DMGDH: variants seen among roughly 807,000 people sequenced by gnomAD.
DMGDH encodes dimethylglycine dehydrogenase, mitochondrial.
DMGDH carries 76 observed loss-of-function variants against 95.2 expected under a neutral mutation model. The observed-to-expected ratio is 0.80, with a 90% CI of 0.66 to 0.97. The LOEUF is 0.97. Ranked by LOEUF, DMGDH falls within the 50% of genes least tolerant of loss-of-function variation. DMGDH has a pLI of 0.00. For synonymous variants in DMGDH, 345 were observed against 377.6 expected, an observed-to-expected ratio of 0.91 and a Z score of 1.00; for missense variants, 987 against 1,055.0, an observed-to-expected ratio of 0.94 and a Z score of 0.89.
chr5:79,005,203 A>G, intron 15 of DMGDH, 70 bp downstream of exon 15: 3 of 1,602,944 alleles, frequency 1.9e-6, no homozygotes, highest in Non-Finnish European at 2.6e-6. Context: ...TTTAAGAGGA[A>G]ATAGGAACAA....
intron 12 of DMGDH, 144 bp downstream of exon 12, chr5:79,028,289 C>A: frequency 1.4e-6 from 1 of 701,768 alleles, no homozygotes; most frequent in Non-Finnish European, 2.4e-6. Context: ...CCTCCAAAGT[C>A]GCATGGACAA....
intron 14 of DMGDH, chr5:79,021,472 G>A (rs1753864805): frequency 1.6e-6 from 2 of 1,233,670 alleles, no homozygotes; most frequent in African/African-American, 1.6e-5. Flanking sequence ...AGCAGGGGAA[G>A]GAGGCTGGAA....
At position 79,026,550 on chromosome 5, in the gene DMGDH, T is replaced by C. The variant is rs758432039; in HGVS notation, c.2064A>G (p.Arg688=). ...GELGWELYHR[R]EDSVALYDAI... is the part of the protein sequence containing the mutation. ...CGTCATACAGCGCCACAGAATCTTC[T>C]CTTCTGTGATACAGCTCCCAACCCA... The change falls in exon 13 of 16, where the codon AGA becomes AGG. Residue 688 remains arginine (R), a synonymous_variant. Transcript: ENST00000255189. 9 of 1,614,032 alleles carry C rather than the reference T, an allele frequency of 5.6e-6. No homozygotes were observed. The African/African-American group carries it at 9.3e-5, about 17-fold the overall frequency.
chr5:79,056,023 A>T, intron 2 of DMGDH, 115 bp from the exon 3 acceptor site: 1 of 734,476 alleles, frequency 1.4e-6, no homozygotes, highest in Non-Finnish European at 2.4e-6. Context: ...AGCACCAGCC[A>T]GTCCTTTGGG....
At chr5:79,027,848 T>TA (rs1754044376) in intron 12 of DMGDH, among the ~76,000 whole-genome samples, 1 of 151,438 alleles carries the variant, frequency 6.6e-6, no homozygotes, top group Non-Finnish European at 1.5e-5. Context: ...TTCTTTTTTT[T>TA]TTTTTTTTTT....
intron 14 of DMGDH, among the ~76,000 whole-genome samples, chr5:79,005,752 A>T (rs1422871781): frequency 6.6e-6 from 1 of 152,192 alleles, no homozygotes; most frequent in Non-Finnish European, 1.5e-5. Context: ...GGCTGTCGGT[A>T]AGCAATGTGC....
At chr5:79,050,262 A>T (rs1436240210) in intron 5 of DMGDH, among the ~76,000 whole-genome samples, 1 of 65,216 alleles carries the variant, frequency 1.5e-5, no homozygotes. Context: ...AAAAAAAAAA[A>T]AAAAAAAAAA....
Position 79,063,645 on chromosome 5 carries a change from A to T in DMGDH, c.244T>A (p.Ser82Thr). 6.2e-7 allele frequency: 1 copy of T among 1,614,106 alleles called. No homozygotes were observed. Among genetic ancestry groups the T allele is most frequent in the Non-Finnish European group, 8.5e-7 (1 of 1,180,034 alleles). Residue 82 changes from serine (S) to threonine (T), a missense_variant, in exon 2 of 16, where the codon TCA becomes ACA. Physicochemically the swap from Ser to Thr is moderately conservative, Grantham distance 58. Transcript: ENST00000255189. ...CAGGTAGATCCAGCCGTGAGCTCTG[A>T]TTTCTCCAGCAGGACCACATCTTTC... ...GMKDVVLLEK[S>T]ELTAGSTWHA...
At position 79,030,846 on chromosome 5, in the gene DMGDH, T is replaced by G; in HGVS notation, c.1670A>C (p.Asn557Thr). Residue 557 changes from asparagine (N) to threonine (T), a missense_variant, in exon 10 of 16, where the codon AAT becomes ACT. Physicochemically the swap from Asn to Thr is moderately conservative, Grantham distance 65. Coordinates refer to ENST00000255189, the MANE Select transcript of DMGDH (RefSeq NM_013391.3). ...SIRLLDHLFA[N>T]VIPKVGFTNI... is the part of the protein sequence containing the mutation. ...AAGGCTATTTACCTTTGGAATGACATTTGCAAAGAGATGGTCCAGTAGTCT... is the reference window on the plus strand; with the variant it reads ...AAGGCTATTTACCTTTGGAATGACAGTTGCAAAGAGATGGTCCAGTAGTCT... 6.2e-7 allele frequency: 1 copy of G among 1,614,036 alleles called. No homozygotes were observed.
At chr5:79,023,539 T>C (rs1053005420) in intron 14 of DMGDH, among the ~76,000 whole-genome samples, 1 of 152,182 alleles carries the variant, frequency 6.6e-6, no homozygotes, top group Non-Finnish European at 1.5e-5. Context: ...TAAAACAGAT[T>C]TGTTGGCCTG....
At chr5:79,057,928 C>T (rs1173222465) in intron 2 of DMGDH, among the ~76,000 whole-genome samples, 1 of 152,214 alleles carries the variant, frequency 6.6e-6, no homozygotes, top group Non-Finnish European at 1.5e-5. Context: ...AATTATCTAT[C>T]TACACTACGC....
Position 79,033,345 on chromosome 5 carries a change from T to C in DMGDH, c.1257A>G (p.Glu419=). 1 of 1,613,960 alleles carries C rather than the reference T, an allele frequency of 6.2e-7. No individual in the cohort carries two copies. The highest frequency in any genetic ancestry group is 8.5e-7 in the Non-Finnish European group (1 of 1,179,970). Residue 419 remains glutamate (E), a synonymous_variant, in exon 8 of 16, where the codon GAA becomes GAG. Transcript: ENST00000255189. The part of the protein sequence containing the change: ...KYLSDWILHG[E]PPFDLIELDP... Reference sequence around the variant, plus strand: ...CCAATTCTATCAGATCAAAAGGAGGTTCTCCATGCAGGATCCAGTCACTGA... The same window carrying C: ...CCAATTCTATCAGATCAAAAGGAGGCTCTCCATGCAGGATCCAGTCACTGA...
chr5:79,034,167 C>A (rs1356569293), intron 7 of DMGDH, among the ~76,000 whole-genome samples: 3 of 152,106 alleles, frequency 2.0e-5, no homozygotes, highest in Admixed American at 6.5e-5. Flanking sequence ...GGTGTCCCAT[C>A]CATCTCTTCT....
intron 15 of DMGDH, 60 bp from the exon 16 acceptor site, chr5:78,998,357 C>A: frequency 6.6e-7 from 1 of 1,523,266 alleles, no homozygotes; most frequent in Non-Finnish European, 9.0e-7. Flanking sequence ...CTCCTCATCT[C>A]TGGGTGAAAA....
At chr5:79,024,172 AT>A (rs1161021233) in intron 14 of DMGDH, 98 bp downstream of exon 14, 20 of 1,053,650 alleles carry the variant, frequency 1.9e-5, no homozygotes, top group Non-Finnish European at 1.5e-5. Flanking sequence ...TGTTTCTCCT[AT>A]AATCCATACT....
At chr5:79,042,217 A>T (rs1754528994) in intron 7 of DMGDH, 66 bp downstream of exon 7, 1 of 1,446,880 alleles carries the variant, frequency 6.9e-7, no homozygotes, top group Non-Finnish European at 9.7e-7. Context: ...TCCTGAGAAT[A>T]TGGAACTAGA....
intron 6 of DMGDH, 117 bp from the exon 7 acceptor site, chr5:79,042,598 C>T (rs562141046): frequency 3.5e-4 from 334 of 944,076 alleles, no homozygotes; most frequent in Non-Finnish European, 4.8e-4. Flanking sequence ...AAAGTACTGC[C>T]ATTTTTTGTT....
At chr5:79,063,238 A>G (rs569734210) in intron 2 of DMGDH, among the ~76,000 whole-genome samples, 13 of 152,332 alleles carry the variant, frequency 8.5e-5, no homozygotes, top group African/African-American at 3.1e-4. Context: ...GCTGACATTT[A>G]TTATCCAATA....
Position 79,042,358 on chromosome 5 carries a change from G to A in DMGDH, c.1118C>T (p.Thr373Met), listed in dbSNP as rs543745251. 39 of 1,614,208 alleles carry A rather than the reference G, an allele frequency of 2.4e-5. No homozygotes were observed. In the East Asian group the frequency reaches 5.8e-4, roughly 24 times the overall value. The change falls in exon 7 of 16, where the codon ACG (threonine) becomes ATG (methionine). Residue 373 changes from threonine (T) to methionine (M), a missense_variant. By Grantham distance (81) the Thr-to-Met change is moderately conservative. Transcript: ENST00000255189. The stretch of plus-strand genomic sequence containing the variant: ...CATAGGCAGAATGTCAGGAGAATAC[G>A]TGATAGGACCATTGACAACATTGAT... ...DIINVVNGPI[T>M]YSPDILPMVG...
Sources: gnomAD v4.1 joint callset for allele counts (sites outside exome capture counted in the v4.1 genomes callset) on GRCh38, gnomAD v4.1.1 for gene constraint, MANE v1.5 for transcripts, NCBI Gene and HGNC (gene_info 2026-07-23, HGNC 2026-07-21) for gene names.